The following MIA3 variants were observed in gnomAD, a reference collection of about 807,000 sequenced individuals.
MIA3 encodes the protein MIA SH3 domain ER export factor 3.
MIA3 carries 90 observed loss-of-function variants against 192.4 expected under a neutral mutation model. The ratio of observed to expected loss-of-function variants is 0.47; its 90% CI spans 0.39 to 0.56. MIA3 has a LOEUF of 0.56. Among genes scored for constraint, MIA3 ranks in the 20% least tolerant of loss-of-function variants. The probability of loss-of-function intolerance (pLI) is 0.00; values close to 1 mark genes in which losing one functional copy is unlikely to be tolerated. For missense variants in MIA3, 2,123 were observed against 2,269.4 expected (o/e 0.94, Z 1.31); for synonymous variants, 740 against 792.8 (o/e 0.93, Z 1.12).
In MIA3 at chr1:222,654,801, TATC is replaced by T; in HGVS notation, c.4607+14_4607+16del. ...GGAGATGGCTTTGCAAAAGTAAGAT[TATC>T]ATCATTTACTGTTAACTGTATTGTC... is the stretch of plus-strand genomic sequence containing the variant. On this transcript the variant is annotated intron_variant, in intron 18 of 27. Transcript: ENST00000344922. 6.2e-7 allele frequency: 1 copy of T among 1,610,522 alleles called. No individual in the cohort carries two copies. Among genetic ancestry groups the T allele is most frequent in the East Asian group, 2.2e-5 (1 of 44,854 alleles).
In MIA3 at chr1:222,635,723, C is replaced by T. The variant is rs546198262; in HGVS notation, c.3477+2474C>T. On this transcript the variant is annotated intron_variant, in intron 6 of 27. Transcript: ENST00000344922. ...TATACCAGAGGTCAGACTCGTAGAT[C>T]AATAATTGATGAATAGTTAGTGGAA... Among the ~76,000 whole-genome samples, 4 of 152,216 alleles carry T rather than the reference C, an allele frequency of 2.6e-5. No homozygotes were observed. In the East Asian group the frequency reaches 5.8e-4, roughly 22 times the overall value.
chr1:222,662,221 T>G, intron 25 of MIA3, 32 bp from the exon 26 acceptor site: 1 of 1,603,596 alleles, frequency 6.2e-7, no homozygotes, highest in Non-Finnish European at 8.5e-7. Context: ...CAAGTCAGAA[T>G]AAGTCTACAT....
At chr1:222,643,505 T>TATA (rs1662957421) in intron 6 of MIA3, among the ~76,000 whole-genome samples, 4 of 152,176 alleles carry the variant, frequency 2.6e-5, no homozygotes, top group Non-Finnish European at 1.5e-5. Context: ...GAGTTGACTT[T>TATA]ATATTCAACT....
chr1:222,636,097 G>A (rs1662612757), intron 6 of MIA3, among the ~76,000 whole-genome samples: 1 of 152,144 alleles, frequency 6.6e-6, no homozygotes, highest in African/African-American at 2.4e-5. Context: ...TCCCAAAAGT[G>A]ACTGTACCAT....
At position 222,655,962 on chromosome 1, in the gene MIA3, C is replaced by CTTTTTTTTTT. The variant is rs1283360501; in HGVS notation, c.4607+1169_4607+1170insTTTTTTTTTT. ...ATCACGTATCTCCAGACTTTCTTTCCCTTTTTTTTTTTTTTTTTTTTTTTT... is the reference window on the plus strand; with the variant it reads ...ATCACGTATCTCCAGACTTTCTTTCCTTTTTTTTTTCTTTTTTTTTTTTTTTTTTTTTTTT... On this transcript the variant is annotated intron_variant, in intron 18 of 27. Transcript: ENST00000344922. Among the ~76,000 whole-genome samples the CTTTTTTTTTT allele has an allele frequency of 2.5e-4, 18 of 71,276 alleles. 1 individual carries two copies. Among genetic ancestry groups the CTTTTTTTTTT allele is most frequent in the African/African-American group, 3.4e-4 (6 of 17,862 alleles). The allele number at this position is 71,276 out of a possible 152,430, so 46.8% of individuals were successfully genotyped here. A position where few individuals can be genotyped will look rare whatever the true frequency, so the allele number is the denominator to read the frequency against.
intron 6 of MIA3, among the ~76,000 whole-genome samples, chr1:222,637,999 A>G (rs1662705318): frequency 6.6e-6 from 1 of 152,132 alleles, no homozygotes; most frequent in Non-Finnish European, 1.5e-5. Flanking sequence ...CTTATTGATG[A>G]TCAATTTACA....
chr1:222,637,377 G>A (rs1198058868), intron 6 of MIA3, among the ~76,000 whole-genome samples: 1 of 152,172 alleles, frequency 6.6e-6, no homozygotes, highest in African/African-American at 2.4e-5. Context: ...ACATCTGGGT[G>A]TCCCTCTTTT....
At chr1:222,644,557 T>C (rs988755218) in intron 6 of MIA3, 4 of 1,550,628 alleles carry the variant, frequency 2.6e-6, no homozygotes, top group Non-Finnish European at 3.5e-6. Context: ...GTCTGTGCTC[T>C]ACGCAGCCTT....
At chr1:222,651,330 T>G (rs531200086) in intron 11 of MIA3, among the ~76,000 whole-genome samples, 1 of 152,112 alleles carries the variant, frequency 6.6e-6, no homozygotes, top group African/African-American at 2.4e-5. Context: ...TTAATCTTGA[T>G]GACCTCGTTG....
rs141264239 is a variant in MIA3, at chr1:222,628,925, G to A, written c.1705G>A (p.Asp569Asn). Residue 569 changes from aspartate to asparagine, a missense_variant, in exon 4 of 28, where the codon GAC becomes AAC. Physicochemically the swap from Asp to Asn is conservative, Grantham distance 23. Transcript: ENST00000344922. ...GAAAGCTGCAGGGAATCAAATGAAT[G>A]ACAGAAAGATTCAACAGGAATCCCT... The part of the protein sequence containing the change: ...AQKAAGNQMN[D>N]RKIQQESLGS... 1.2e-6 allele frequency: 2 copies of A among 1,614,148 alleles called. No individual in the cohort carries two copies. The highest frequency in any genetic ancestry group is 1.7e-6 in the Non-Finnish European group (2 of 1,180,022).
Position 222,666,433 on chromosome 1 carries a change from GT to G in MIA3, c.*819del, listed in dbSNP as rs1664291246. The G allele has an allele frequency of 6.6e-6, 1 of 152,086 alleles. No individual in the cohort carries two copies. The highest frequency in any genetic ancestry group is 1.5e-5 in the Non-Finnish European group (1 of 68,022). 9.4% of individuals were successfully genotyped at this position (152,086 alleles called of 1,614,324 possible). A position where few individuals can be genotyped will look rare whatever the true frequency, so the allele number is the denominator to read the frequency against. On this transcript the variant is annotated 3_prime_UTR_variant, in exon 28 of 28. Coordinates refer to ENST00000344922, the MANE Select transcript of MIA3 (RefSeq NM_198551.4). ...GAGTTGTTTGACCTGATGTTCCATT[GT>G]TTTTACCATTCCTGTAGAAAAAGGG...
intron 13 of MIA3, among the ~76,000 whole-genome samples, chr1:222,652,593 A>G (rs1044387441): frequency 6.6e-6 from 1 of 152,220 alleles, no homozygotes. Flanking sequence ...TATTAACTTG[A>G]GTAGCCTCGA....
chr1:222,651,131 C>T lies in MIA3; in HGVS notation c.3909+228C>T, dbSNP rs115702416. On this transcript the variant is annotated intron_variant, in intron 11 of 27. Transcript: ENST00000344922. The stretch of plus-strand genomic sequence containing the variant: ...TCAACCCTAGGTAATTGTCATATTG[C>T]TTGGCTCTGCCCTCCGAAACATGTG... Among the ~76,000 whole-genome samples the T allele has an allele frequency of 3.2e-3, 485 of 151,940 alleles. 3 individuals are homozygous for T. The highest frequency in any genetic ancestry group is 0.011 in the African/African-American group (471 of 41,444).
rs1662252584 is a variant in MIA3, at chr1:222,628,877, G to A, written c.1657G>A (p.Gly553Ser). The stretch of plus-strand genomic sequence containing the variant: ...GCCTGGAGAGCAGATTTTGGAAGGT[G>A]GCTCAGAGAGTGAATCTGCACAGAA... ...EKPGEQILEG[G>S]SESESAQKAA... The change falls in exon 4 of 28, where the codon GGC (glycine) becomes AGC (serine). Residue 553 changes from glycine (G) to serine (S), a missense_variant. Transcript: ENST00000344922. 1 of 1,614,056 alleles carries A rather than the reference G, an allele frequency of 6.2e-7. No homozygotes were observed. The highest frequency in any genetic ancestry group is 8.5e-7 in the Non-Finnish European group (1 of 1,180,046).
chr1:222,629,626 A>C lies in MIA3; in HGVS notation c.2406A>C (p.Gly802=). The change falls in exon 4 of 28, where the codon GGA becomes GGC. Residue 802 remains glycine, a synonymous_variant. Coordinates refer to ENST00000344922, the MANE Select transcript of MIA3 (RefSeq NM_198551.4). ...SETAAKGVNT[G]GREPNTMVEK... The stretch of plus-strand genomic sequence containing the variant: ...CTGCTGCCAAAGGGGTCAACACAGG[A>C]GGCAGGGAACCAAATACAATGGTGG... The C allele has an allele frequency of 6.2e-7, 1 of 1,614,208 alleles. No homozygotes were observed. Among genetic ancestry groups the C allele is most frequent in the Non-Finnish European group, 8.5e-7 (1 of 1,180,034 alleles).
At chr1:222,662,848 A>G (rs1664094153) in intron 26 of MIA3, 1 of 158,408 alleles carries the variant, frequency 6.3e-6, no homozygotes, top group Non-Finnish European at 1.4e-5. Context: ...CTACAGTTGT[A>G]TACTAGGCAA....
intron 14 of MIA3, 36 bp downstream of exon 14, chr1:222,653,166 G>A (rs1663531973): frequency 1.3e-6 from 2 of 1,595,732 alleles, no homozygotes; most frequent in Non-Finnish European, 1.7e-6. Context: ...TAATTCTTGT[G>A]AATTATCAAA....
chr1:222,626,381 A>G (rs949726725), intron 3 of MIA3, among the ~76,000 whole-genome samples: 1 of 152,216 alleles, frequency 6.6e-6, no homozygotes, highest in African/African-American at 2.4e-5. Context: ...TTCCCACTGC[A>G]TGATTCCCTT....
In MIA3 at chr1:222,651,932, A is replaced by G. The variant is rs183819317; in HGVS notation, c.3910-45A>G. Reference sequence around the variant, plus strand: ...TCTTAGTATGTATCCCAGTGTTTCTACTAAAATCCTAATATGCATTTTGTG... The same window carrying G: ...TCTTAGTATGTATCCCAGTGTTTCTGCTAAAATCCTAATATGCATTTTGTG... On this transcript the variant is annotated intron_variant, in intron 11 of 27. Coordinates refer to ENST00000344922, the MANE Select transcript of MIA3 (RefSeq NM_198551.4). 4.0e-3 allele frequency: 4,228 copies of G among 1,055,324 alleles called. 16 individuals carry two copies. Among genetic ancestry groups the G allele is most frequent in the Non-Finnish European group, 5.3e-3 (3,569 of 670,962 alleles). The allele number at this position is 1,055,324 out of a possible 1,614,324, so 65.4% of individuals were successfully genotyped here. A position where few individuals can be genotyped will look rare whatever the true frequency, so the allele number is the denominator to read the frequency against.
Sources: allele counts gnomAD v4.1 joint callset (sites outside exome capture counted in the v4.1 genomes callset), GRCh38; gene constraint gnomAD v4.1.1; transcripts MANE v1.5; gene names NCBI Gene and HGNC (gene_info 2026-07-23, HGNC 2026-07-21).